The following OTUD7B variants were observed in gnomAD, a reference collection of about 807,000 sequenced individuals.
OTUD7B encodes the protein OTU deubiquitinase 7B, also known as OTU domain-containing protein 7B.
A neutral mutation model predicts 82.2 loss-of-function variants in OTUD7B; 34 were observed. The ratio of observed to expected loss-of-function variants is 0.41; its 90% CI spans 0.31 to 0.55. The LOEUF is 0.55. Among genes scored for constraint, OTUD7B ranks in the 20% least tolerant of loss-of-function variants. OTUD7B has a pLI of 0.20. For missense variants in OTUD7B, 944 were observed against 1,062.1 expected, an observed-to-expected ratio of 0.89 and a Z score of 1.55; for synonymous variants, 398 against 402.7, an observed-to-expected ratio of 0.99 and a Z score of 0.14.
chr1:149,983,164 C>T (rs1553780146), intron 1 of OTUD7B, among the ~76,000 whole-genome samples: 2 of 152,212 alleles, frequency 1.3e-5, no homozygotes, highest in East Asian at 3.9e-4. Context: ...CTCCTCTGTA[C>T]TTTTAAACCT....
chr1:149,998,793 A>T (rs1652081648), intron 1 of OTUD7B, among the ~76,000 whole-genome samples: 1 of 152,246 alleles, frequency 6.6e-6, no homozygotes, highest in Non-Finnish European at 1.5e-5. Flanking sequence ...TAAACTGTTG[A>T]CAGTAACTAC....
chr1:149,943,645 G>A lies in OTUD7B; in HGVS notation c.*212C>T, dbSNP rs1269290961. On this transcript the variant is annotated 3_prime_UTR_variant, in exon 12 of 12. Coordinates refer to ENST00000581312, the MANE Select transcript of OTUD7B (RefSeq NM_020205.4). ...AAACCTCATCAAGTCAAGCTCTGCAGAGGAATAGTACAGCCCCTGAGGTGC... is the reference window on the plus strand; with the variant it reads ...AAACCTCATCAAGTCAAGCTCTGCAAAGGAATAGTACAGCCCCTGAGGTGC... 1.2e-5 allele frequency: 7 copies of A among 584,820 alleles called. No individual in the cohort carries two copies. The Admixed American group carries it at 1.5e-4, about 13-fold the overall frequency. The allele number at this position is 584,820 out of a possible 1,614,324, so 36.2% of individuals were successfully genotyped here.
At chr1:149,950,025 C>G in intron 8 of OTUD7B, 69 bp downstream of exon 8, 4 of 1,586,230 alleles carry the variant, frequency 2.5e-6, no homozygotes, top group Non-Finnish European at 3.4e-6. Context: ...GCCTTCCTTC[C>G]AATGCTTAGC....
At chr1:149,957,216 T>C (rs868956594) in intron 7 of OTUD7B, among the ~76,000 whole-genome samples, 3 of 151,772 alleles carry the variant, frequency 2.0e-5, no homozygotes, top group African/African-American at 7.3e-5. Flanking sequence ...AGATGGGGTA[T>C]TGGTGTGGAT....
At chr1:149,989,035 C>T (rs1651380204) in intron 1 of OTUD7B, among the ~76,000 whole-genome samples, 1 of 152,110 alleles carries the variant, frequency 6.6e-6, no homozygotes, top group Admixed American at 6.6e-5. Context: ...ACAGAATTTC[C>T]ATTCAAGGGG....
chr1:150,048,740 G>A, the OTUD7B span, among the ~76,000 whole-genome samples: 2 of 152,070 alleles, frequency 1.3e-5, no homozygotes, highest in African/African-American at 4.8e-5. Context: ...TACACAGTAT[G>A]TGGATATAAA....
chr1:149,985,208 G>A (rs1651046160), intron 1 of OTUD7B, among the ~76,000 whole-genome samples: 1 of 152,134 alleles, frequency 6.6e-6, no homozygotes, highest in African/African-American at 2.4e-5. Context: ...AAAAGTTCAA[G>A]ACCAGCCTAG....
upstream of OTUD7B, among the ~76,000 whole-genome samples, chr1:150,015,281 T>TGG (rs1653231239): frequency 1.1e-5 from 1 of 94,522 alleles, no homozygotes; most frequent in Non-Finnish European, 2.1e-5. Context: ...AATTTCTTTT[T>TGG]TTCTTTCTCT....
intron 1 of OTUD7B, among the ~76,000 whole-genome samples, chr1:150,004,650 C>G (rs1652540059): frequency 6.6e-6 from 1 of 151,352 alleles, no homozygotes; most frequent in Admixed American, 6.6e-5. Context: ...CTTTTTAACA[C>G]CCTCTATAAA....
At chr1:150,030,171 T>C in the OTUD7B span, among the ~76,000 whole-genome samples, 1 of 152,212 alleles carries the variant, frequency 6.6e-6, no homozygotes, top group Non-Finnish European at 1.5e-5. Context: ...ATTCTAAACT[T>C]TAACCACCAT....
intron 3 of OTUD7B, among the ~76,000 whole-genome samples, chr1:149,969,977 C>T (rs2101833399): frequency 6.6e-6 from 1 of 151,874 alleles, no homozygotes; most frequent in African/African-American, 2.4e-5. Context: ...GCTGGGATTA[C>T]AGGTGTGAGC....
chr1:149,944,377 G>A lies in OTUD7B; in HGVS notation c.2012C>T (p.Ala671Val). The A allele has an allele frequency of 1.2e-6, 2 of 1,613,988 alleles. No individual in the cohort carries two copies. The highest frequency in any genetic ancestry group is 8.5e-7 in the Non-Finnish European group (1 of 1,179,956). The change falls in exon 12 of 12, where the codon GCT (alanine) becomes GTT (valine). Residue 671 changes from alanine (A) to valine (V), a missense_variant. Physicochemically the swap from Ala to Val is moderately conservative, Grantham distance 64 (BLOSUM62 0). Coordinates refer to ENST00000581312, the MANE Select transcript of OTUD7B (RefSeq NM_020205.4). ...GGGACCGGTCGGCTGCTCTTCCCTA[G>A]CATCTGGCTCTGGCTTTTTGGCTGG... ...PPPAKKPEPDAREEQPTGPPA... is the reference protein window; with the variant it reads ...PPPAKKPEPDVREEQPTGPPA...
chr1:150,039,711 T>G, the OTUD7B span, among the ~76,000 whole-genome samples: 3 of 152,198 alleles, frequency 2.0e-5, no homozygotes, highest in South Asian at 2.1e-4. Context: ...CAGAAAATAT[T>G]TATACTTTCT....
chr1:149,965,925 C>T, intron 4 of OTUD7B, 47 bp from the exon 5 acceptor site: 2 of 1,471,144 alleles, frequency 1.4e-6, no homozygotes, highest in Non-Finnish European at 1.9e-6. Flanking sequence ...CCATGAAGCC[C>T]TTCCACCTTC....
the OTUD7B span, among the ~76,000 whole-genome samples, chr1:150,063,016 GACTTAT>G: frequency 0.047 from 7,063 of 151,758 alleles, 518 homozygotes; most frequent in African/African-American, 0.16. Context: ...GGCTGGCCCT[GACTTAT>G]ACTTATAACA....
chr1:150,042,161 T>C, the OTUD7B span, among the ~76,000 whole-genome samples: 55 of 103,868 alleles, frequency 5.3e-4, 1 homozygote, highest in East Asian at 3.3e-3. Flanking sequence ...CTCCCTTCCT[T>C]CCTTCCTTCC....
chr1:150,001,376 A>G (rs1411686011), intron 1 of OTUD7B, among the ~76,000 whole-genome samples: 1 of 152,200 alleles, frequency 6.6e-6, no homozygotes, highest in Non-Finnish European at 1.5e-5. Flanking sequence ...CTATAAGGAG[A>G]TATCTGACTT....
intron 5 of OTUD7B, 58 bp downstream of exon 5, chr1:149,965,719 G>A: frequency 1.6e-6 from 2 of 1,245,270 alleles, no homozygotes; most frequent in Non-Finnish European, 2.3e-6. Context: ...CTACACATGA[G>A]ATTTGACTCA....
At chr1:150,062,412 T>C in the OTUD7B span, among the ~76,000 whole-genome samples, 2 of 152,240 alleles carry the variant, frequency 1.3e-5, no homozygotes, top group Non-Finnish European at 2.9e-5. Flanking sequence ...AGATTACCAT[T>C]GAGCATCTCT....
Sources: gnomAD v4.1 joint callset for allele counts (sites outside exome capture counted in the v4.1 genomes callset) on GRCh38, gnomAD v4.1.1 for gene constraint, MANE v1.5 for transcripts, NCBI Gene and HGNC (gene_info 2026-07-23, HGNC 2026-07-21) for gene names.